Variants in STAU1 observed in about 807,000 individuals in gnomAD.
STAU1 encodes the protein double-stranded RNA-binding protein Staufen homolog 1.
Under a neutral mutation model 62.9 loss-of-function variants are expected in STAU1, and 13 were observed. That is an observed-to-expected ratio of 0.21 (90% CI 0.13 to 0.33). STAU1 has a LOEUF of 0.33. STAU1 is among the 10% of genes least tolerant of loss of function. STAU1 has a pLI of 1.00. For synonymous variants in STAU1, 269 were observed against 265.1 expected, an observed-to-expected ratio of 1.01 and a Z score of -0.14; for missense variants, 571 against 712.1, an observed-to-expected ratio of 0.80 and a Z score of 2.25.
rs2092248259 is a variant in STAU1, at chr20:49,114,046, G to C, written c.*832C>G. On this transcript the variant is annotated 3_prime_UTR_variant, in exon 14 of 14. Transcript: ENST00000371856. ...TGTGGGAGACTTATTCAAGGTTTTT[G>C]AAAGTCCAGGACTGTTTCAGCTGAA... 6.6e-6 allele frequency: 1 copy of C among 152,590 alleles called. No homozygotes were observed. The highest frequency in any genetic ancestry group is 6.5e-5 in the Admixed American group (1 of 15,276). 9.5% of individuals were successfully genotyped at this position (152,590 alleles called of 1,614,324 possible).
At chr20:49,219,154 C>T in the STAU1 span, 1 of 531,108 alleles carries the variant, frequency 1.9e-6, no homozygotes, top group Non-Finnish European at 3.3e-6. Flanking sequence ...TTTATAAATG[C>T]AACTCTTTAG....
At chr20:49,174,765 G>A (rs955055090) in intron 1 of STAU1, among the ~76,000 whole-genome samples, 4 of 152,052 alleles carry the variant, frequency 2.6e-5, no homozygotes, top group Admixed American at 6.6e-5. Context: ...GTGAAACTCC[G>A]TCTCTACTAA....
chr20:49,186,852 A>C lies in STAU1; in HGVS notation c.-160+1264T>G, dbSNP rs190934753. ...GCTCTTAACAATGAAAGCTACAAGC[A>C]GAAGAGAAGTGTGACCTTAAAAACT... On this transcript the variant is annotated intron_variant, in intron 1 of 13. Transcript: ENST00000371856. Among the ~76,000 whole-genome samples, 8 of 152,176 alleles carry C rather than the reference A, an allele frequency of 5.3e-5. No individual in the cohort carries two copies. The East Asian group carries it at 1.5e-3, about 29-fold the overall frequency.
At chr20:49,180,250 C>T (rs1267046775) in intron 1 of STAU1, among the ~76,000 whole-genome samples, 3 of 151,928 alleles carry the variant, frequency 2.0e-5, no homozygotes, top group Non-Finnish European at 4.4e-5. Flanking sequence ...AACTCATTTC[C>T]ACTAAAGCAG....
chr20:49,219,013 CAAAAAAAAA>C, the STAU1 span, among the ~76,000 whole-genome samples: 1 of 53,176 alleles, frequency 1.9e-5, no homozygotes, highest in East Asian at 4.8e-4. Flanking sequence ...AACCCTGCCT[CAAAAAAAAA>C]AAAAAAAAAA....
chr20:49,218,470 C>A, the STAU1 span, among the ~76,000 whole-genome samples: 1 of 152,162 alleles, frequency 6.6e-6, no homozygotes, highest in African/African-American at 2.4e-5. Flanking sequence ...CGTGATCCGC[C>A]CGCCTCGGCC....
At position 49,135,929 on chromosome 20, in the gene STAU1, C is replaced by T; in HGVS notation, c.513G>A (p.Val171=). 9 of 1,610,894 alleles carry T rather than the reference C, an allele frequency of 5.6e-6. No homozygotes were observed. Among genetic ancestry groups the T allele is most frequent in the Non-Finnish European group, 7.6e-6 (9 of 1,177,712 alleles). The change falls in exon 6 of 14, where the codon GTG becomes GTA. Residue 171 remains valine (V), a splice_region_variant and synonymous_variant. Coordinates refer to ENST00000371856, the MANE Select transcript of STAU1 (RefSeq NM_017453.4). Reference sequence around the variant, plus strand: ...TTTCTTCTTCGGATTCTCTTCCATTCACCTGTAAGAATAATTGTTTAGTAG... The same window carrying T: ...TTTCTTCTTCGGATTCTCTTCCATTTACCTGTAAGAATAATTGTTTAGTAG... The part of the protein sequence containing the change: ...QNEPLPERLE[V]NGRESEEENL...
At chr20:49,133,470 A>G (rs1274438150) in intron 6 of STAU1, among the ~76,000 whole-genome samples, 3 of 152,134 alleles carry the variant, frequency 2.0e-5, no homozygotes, top group Non-Finnish European at 4.4e-5. Flanking sequence ...CAGGGGAGAA[A>G]AGCAACACTT....
intron 5 of STAU1, among the ~76,000 whole-genome samples, chr20:49,147,256 C>T (rs1486128418): frequency 6.6e-6 from 1 of 152,226 alleles, no homozygotes; most frequent in African/African-American, 2.4e-5. Flanking sequence ...ATGTTAATGT[C>T]TGGCAGCTCC....
At chr20:49,217,794 C>A in the STAU1 span, among the ~76,000 whole-genome samples, 1 of 149,154 alleles carries the variant, frequency 6.7e-6, no homozygotes, top group Non-Finnish European at 1.5e-5. Context: ...CTGCAGTAAG[C>A]CGAGATCGCG....
intron 2 of STAU1, among the ~76,000 whole-genome samples, chr20:49,171,627 C>T (rs530150862): frequency 1.3e-5 from 2 of 152,330 alleles, no homozygotes; most frequent in South Asian, 4.1e-4. Context: ...ACACATCTTT[C>T]TTGCTGCAAT....
chr20:49,124,295 G>C, intron 7 of STAU1, 80 bp downstream of exon 7: 1 of 1,457,022 alleles, frequency 6.9e-7, no homozygotes. Context: ...CTTTCACCTT[G>C]GGGACAGCGA....
intron 1 of STAU1, among the ~76,000 whole-genome samples, chr20:49,175,661 T>A (rs1220502112): frequency 6.6e-6 from 1 of 150,438 alleles, no homozygotes; most frequent in Non-Finnish European, 1.5e-5. Context: ...TTTATTTTTA[T>A]TTTTAGTAGA....
rs1480210963 is a variant in STAU1 at position 49,117,992 on chromosome 20, G to C, written c.1294C>G (p.Gln432Glu). 12 of 1,614,204 alleles carry C rather than the reference G, an allele frequency of 7.4e-6. No homozygotes were observed. The highest frequency in any genetic ancestry group is 1.0e-5 in the Non-Finnish European group (12 of 1,180,040). The part of the protein sequence containing the change: ...PEVAQAVGVS[Q>E]GHHTKDFTRA... ...GTAAAATCTTTGGTGTGATGTCCTT[G>C]ACTAACTCCTACAGCCTGGGCGACC... Residue 432 changes from glutamine to glutamate, a missense_variant, in exon 11 of 14, where the codon CAA (glutamine) becomes GAA (glutamate). Transcript: ENST00000371856. The surrounding 1 kb of genome is among the most constrained non-coding windows in gnomAD (Gnocchi z 4.6).
chr20:49,184,388 C>T (rs1035863653), intron 1 of STAU1, among the ~76,000 whole-genome samples: 1 of 152,152 alleles, frequency 6.6e-6, no homozygotes, highest in African/African-American at 2.4e-5. Context: ...CTGGACAGGA[C>T]ATCCACTGCA....
the STAU1 span, among the ~76,000 whole-genome samples, chr20:49,196,720 A>G: frequency 6.6e-6 from 1 of 150,896 alleles, no homozygotes; most frequent in Non-Finnish European, 1.5e-5. Flanking sequence ...TGCAGTGAAC[A>G]GACATGGCAC....
At chr20:49,137,816 C>A (rs1013691792) in intron 5 of STAU1, among the ~76,000 whole-genome samples, 2 of 150,586 alleles carry the variant, frequency 1.3e-5, no homozygotes, top group Non-Finnish European at 2.9e-5. Context: ...CAGGCACCCA[C>A]CACCACACCC....
intron 3 of STAU1, among the ~76,000 whole-genome samples, chr20:49,160,547 C>CTGTG (rs1302860915): frequency 2.6e-5 from 4 of 152,132 alleles, no homozygotes; most frequent in African/African-American, 7.2e-5. Context: ...GAATTAAGTT[C>CTGTG]CAGAATGTGC....
intron 6 of STAU1, among the ~76,000 whole-genome samples, chr20:49,134,306 C>T (rs372530801): frequency 5.5e-4 from 83 of 152,048 alleles, no homozygotes; most frequent in Middle Eastern, 6.8e-3. Flanking sequence ...TGGCGTATGC[C>T]TGTAATCCCA....
Sources: gnomAD v4.1 joint callset for allele counts (sites outside exome capture counted in the v4.1 genomes callset) on GRCh38, gnomAD v4.1.1 for gene constraint, Gnocchi (gnomAD v3.1) non-coding constraint, MANE v1.5 for transcripts, NCBI Gene and HGNC (gene_info 2026-07-23, HGNC 2026-07-21) for gene names.